Variants in ACP3 observed in about 807,000 individuals in gnomAD.
ACP3 encodes prostatic acid phosphatase.
In ACP3, 38 loss-of-function variants were observed where a neutral mutation model predicts 45.6. That is an observed-to-expected ratio of 0.83 (90% CI 0.64 to 1.09). ACP3 has a LOEUF of 1.09. ACP3 is among the 50% of genes least tolerant of loss of function. The probability of loss-of-function intolerance (pLI) is 0.00; values close to 1 mark genes in which losing one functional copy is unlikely to be tolerated. For synonymous variants in ACP3, 162 were observed against 164.7 expected (o/e 0.98, Z 0.13); for missense variants, 466 against 463.2 (o/e 1.01, Z -0.05).
intron 1 of ACP3, among the ~76,000 whole-genome samples, chr3:132,323,411 A>T (rs74910251): frequency 1.3e-5 from 2 of 152,276 alleles, no homozygotes; most frequent in East Asian, 3.9e-4. Context: ...GTTTCTAGGG[A>T]CAGGGAGGGA....
chr3:132,367,890 G>T (rs751532563), exon 11 of ACP3: 76 of 1,215,734 alleles, frequency 6.3e-5, no homozygotes, highest in African/African-American at 5.8e-4. Context: ...CGCATCTAAA[G>T]GACAGGCTTT....
intron 8 of ACP3, among the ~76,000 whole-genome samples, chr3:132,351,211 T>A (rs1374829380): frequency 6.6e-6 from 1 of 152,102 alleles, no homozygotes; most frequent in East Asian, 1.9e-4. Flanking sequence ...GAAGAAGGAC[T>A]GCAACTCAAA....
chr3:132,351,942 G>A (rs1937750838), intron 8 of ACP3, among the ~76,000 whole-genome samples: 1 of 152,128 alleles, frequency 6.6e-6, no homozygotes, highest in African/African-American at 2.4e-5. Flanking sequence ...ATTTTAAATT[G>A]CATCCTATAC....
intron 1 of ACP3, among the ~76,000 whole-genome samples, chr3:132,324,281 C>T (rs985226043): frequency 2.6e-5 from 4 of 151,904 alleles, no homozygotes; most frequent in South Asian, 2.1e-4. Context: ...GATATAGCCT[C>T]GACTGTACTC....
chr3:132,346,120 A>G (rs1287181956), intron 7 of ACP3, among the ~76,000 whole-genome samples: 1 of 152,190 alleles, frequency 6.6e-6, no homozygotes, highest in Non-Finnish European at 1.5e-5. Flanking sequence ...AAATCCCAAG[A>G]GAATGCATAG....
intron 8 of ACP3, among the ~76,000 whole-genome samples, chr3:132,350,345 T>TA (rs1937698569): frequency 6.6e-6 from 1 of 152,034 alleles, no homozygotes; most frequent in African/African-American, 2.4e-5. Context: ...CACATCAAAA[T>TA]GAAAGGGGTT....
chr3:132,321,500 C>T (rs1559826901), intron 1 of ACP3, among the ~76,000 whole-genome samples: 1 of 152,072 alleles, frequency 6.6e-6, no homozygotes, highest in Non-Finnish European at 1.5e-5. Flanking sequence ...AGACATTTGC[C>T]GGAAACAGCA....
At chr3:132,367,881 G>C in exon 11 of ACP3, 1 of 1,242,264 alleles carries the variant, frequency 8.0e-7, no homozygotes, top group Non-Finnish European at 1.2e-6. Context: ...CAGTGGTGCC[G>C]CATCTAAAGG....
chr3:132,331,512 A>C, intron 2 of ACP3, 135 bp from the exon 3 acceptor site: 1 of 631,176 alleles, frequency 1.6e-6, no homozygotes, highest in Non-Finnish European at 2.7e-6. Flanking sequence ...AATATGTGTC[A>C]TTATTGTGGA....
At chr3:132,338,264 C>A (rs980611278) in intron 5 of ACP3, among the ~76,000 whole-genome samples, 1 of 149,596 alleles carries the variant, frequency 6.7e-6, no homozygotes, top group African/African-American at 2.5e-5. Context: ...TAGGGTTGGG[C>A]ACCTTGGTTT....
chr3:132,362,309 A>G (rs1310531319), downstream of ACP3, among the ~76,000 whole-genome samples: 1 of 152,296 alleles, frequency 6.6e-6, no homozygotes, highest in African/African-American at 2.4e-5. Flanking sequence ...CTACCATATC[A>G]TACTCACTTT....
intron 1 of ACP3, among the ~76,000 whole-genome samples, chr3:132,324,085 G>C (rs1420902156): frequency 6.6e-6 from 1 of 152,138 alleles, no homozygotes; most frequent in Non-Finnish European, 1.5e-5. Flanking sequence ...AGGCGTGGTG[G>C]CAGGTGCTTG....
chr3:132,347,844 T>TACACAC (rs112045628), intron 7 of ACP3, among the ~76,000 whole-genome samples: 15,587 of 144,890 alleles, frequency 0.11, 1,002 homozygotes, highest in Non-Finnish European at 0.15. Flanking sequence ...CACACACACA[T>TACACAC]ACACACACAC....
At chr3:132,334,671 A>G (rs77877821) in intron 4 of ACP3, among the ~76,000 whole-genome samples, 17 of 152,344 alleles carry the variant, frequency 1.1e-4, no homozygotes, top group African/African-American at 4.1e-4. Flanking sequence ...GTGAATATGT[A>G]GAATGCCAGT....
chr3:132,345,016 C>A lies in ACP3; in HGVS notation c.738C>A (p.Leu246=). 1 of 1,613,768 alleles carries A rather than the reference C, an allele frequency of 6.2e-7. No homozygotes were observed. Among genetic ancestry groups the A allele is most frequent in the African/African-American group, 1.3e-5 (1 of 75,004 alleles). Residue 246 remains leucine, a synonymous_variant, in exon 7 of 10, where the codon CTC becomes CTA. Coordinates refer to ENST00000336375, the MANE Select transcript of ACP3 (RefSeq NM_001099.5). ...TGTCAGAATTGTCCCTCCTGTCCCT[C>A]TATGGAATTCACAAGCAGAAAGAGA... is the stretch of plus-strand genomic sequence containing the variant. ...RELSELSLLS[L]YGIHKQKEKS...
chr3:132,363,374 G>A (rs1938077694), downstream of ACP3, among the ~76,000 whole-genome samples: 1 of 151,922 alleles, frequency 6.6e-6, no homozygotes, highest in South Asian at 2.1e-4. Flanking sequence ...ATTCTTTTTT[G>A]TGGTCCCAAT....
At chr3:132,353,377 T>C (rs1937804490) in intron 9 of ACP3, among the ~76,000 whole-genome samples, 1 of 152,220 alleles carries the variant, frequency 6.6e-6, no homozygotes, top group African/African-American at 2.4e-5. Flanking sequence ...TGAAATCTGG[T>C]GTTCTCAGAA....
intron 10 of ACP3, among the ~76,000 whole-genome samples, chr3:132,365,991 CA>C (rs112882480): frequency 2.6e-3 from 351 of 132,646 alleles, no homozygotes; most frequent in Middle Eastern, 4.0e-3. Flanking sequence ...CTCCATCTCC[CA>C]AAAAAAAAAA....
chr3:132,366,888 C>T (rs920708040), intron 10 of ACP3, among the ~76,000 whole-genome samples: 3 of 152,108 alleles, frequency 2.0e-5, no homozygotes, highest in Non-Finnish European at 4.4e-5. Flanking sequence ...ATGATAATGT[C>T]AGGTGAAATC....
Sources: allele counts gnomAD v4.1 joint callset (sites outside exome capture counted in the v4.1 genomes callset), GRCh38; gene constraint gnomAD v4.1.1; transcripts MANE v1.5; gene names NCBI Gene and HGNC (gene_info 2026-07-23, HGNC 2026-07-21).